FLACC1: variants seen among roughly 807,000 people sequenced by gnomAD.
FLACC1 encodes flagellum-associated coiled-coil domain-containing protein 1.
FLACC1 carries 66 observed loss-of-function variants against 62.8 expected under a neutral mutation model. The ratio of observed to expected loss-of-function variants is 1.05; its 90% CI spans 0.86 to 1.29. FLACC1 has a LOEUF of 1.29. FLACC1 is among the 50% of genes most tolerant of loss of function. The pLI is 0.00. For missense variants in FLACC1, 452 were observed against 489.1 expected (o/e 0.92, Z 0.71); for synonymous variants, 156 against 161.0 (o/e 0.97, Z 0.24).
chr2:201,290,973 G>A (rs184821216), intron 12 of FLACC1, among the ~76,000 whole-genome samples: 108 of 152,266 alleles, frequency 7.1e-4, no homozygotes, highest in African/African-American at 2.5e-3. Context: ...TGGCAGTGAG[G>A]CTGGTGGAGG....
intron 12 of FLACC1, among the ~76,000 whole-genome samples, chr2:201,291,056 G>T (rs572595029): frequency 2.0e-5 from 3 of 152,204 alleles, no homozygotes; most frequent in Non-Finnish European, 4.4e-5. Context: ...GGAGCCCACC[G>T]CAGCTCAAGG....
rs559950675 is a variant in FLACC1 at position 201,352,258 on chromosome 2, T to C, written c.-47-807A>G. On this transcript the variant is annotated intron_variant, in intron 1 of 14. Coordinates refer to ENST00000392257, the MANE Select transcript of FLACC1 (RefSeq NM_001127391.3). ...GGAAAATTAGTTCTGCTGCTTGAGC[T>C]ACAGTGCAAATGAATCTCCTCGTTT... Among the ~76,000 whole-genome samples, 164 of 152,328 alleles carry C rather than the reference T, an allele frequency of 1.1e-3. 1 individual carries two copies. Among genetic ancestry groups the C allele is most frequent in the African/African-American group, 3.6e-3 (148 of 41,578 alleles).
At chr2:201,313,673 GC>G (rs1045280492) in intron 9 of FLACC1, among the ~76,000 whole-genome samples, 2 of 152,056 alleles carry the variant, frequency 1.3e-5, no homozygotes, top group African/African-American at 2.4e-5. Flanking sequence ...GAGTTCTAGG[GC>G]CCCACCCACC....
rs978459066 is a variant in FLACC1 at position 201,288,561 on chromosome 2, A to G, written c.*94T>C. On this transcript the variant is annotated 3_prime_UTR_variant, in exon 15 of 15. Coordinates refer to ENST00000392257, the MANE Select transcript of FLACC1 (RefSeq NM_001127391.3). ...GAGCAACCCAAGAACTAAACTCATT[A>G]TATGCATTTTCTCAAGAAAACCCTC... is the stretch of plus-strand genomic sequence containing the variant. The G allele has an allele frequency of 3.4e-5, 49 of 1,459,526 alleles. No homozygotes were observed. The highest frequency in any genetic ancestry group is 1.3e-4 in the South Asian group (10 of 77,188). The allele number at this position is 1,459,526 out of a possible 1,614,324, so 90.4% of individuals were successfully genotyped here. A position where few individuals can be genotyped will look rare whatever the true frequency, so the allele number is the denominator to read the frequency against.
intron 1 of FLACC1, chr2:201,351,742 G>C (rs1271795896): frequency 4.7e-6 from 1 of 211,334 alleles, no homozygotes. Context: ...TCAGGAGTTT[G>C]AGACCAGCCT....
Position 201,288,565 on chromosome 2 carries a change from G to A in FLACC1, c.*90C>T, listed in dbSNP as rs964249301. 3.6e-5 allele frequency: 53 copies of A among 1,478,888 alleles called. No homozygotes were observed. The highest frequency in any genetic ancestry group is 1.8e-4 in the Middle Eastern group (1 of 5,632). 91.6% of individuals were successfully genotyped at this position (1,478,888 alleles called of 1,614,324 possible). On this transcript the variant is annotated 3_prime_UTR_variant, in exon 15 of 15. Coordinates refer to ENST00000392257, the MANE Select transcript of FLACC1 (RefSeq NM_001127391.3). ...AACCCAAGAACTAAACTCATTATAT[G>A]CATTTTCTCAAGAAAACCCTCCCAG...
intron 11 of FLACC1, among the ~76,000 whole-genome samples, chr2:201,305,586 A>T (rs1349236960): frequency 1.3e-5 from 2 of 152,250 alleles, no homozygotes; most frequent in African/African-American, 4.8e-5. Flanking sequence ...ATTACTGGGT[A>T]TATACCCAAA....
At chr2:201,294,104 C>T (rs1949802859) in intron 12 of FLACC1, among the ~76,000 whole-genome samples, 1 of 152,160 alleles carries the variant, frequency 6.6e-6, no homozygotes, top group Non-Finnish European at 1.5e-5. Flanking sequence ...CAAGGAGGAG[C>T]TGGTACCATT....
intron 1 of FLACC1, among the ~76,000 whole-genome samples, chr2:201,356,497 A>G (rs1429995909): frequency 6.6e-6 from 1 of 151,572 alleles, no homozygotes; most frequent in Non-Finnish European, 1.5e-5. Flanking sequence ...AGCTAAAATC[A>G]GCCCTTGACT....
chr2:201,295,477 G>C (rs1459236643), intron 12 of FLACC1, among the ~76,000 whole-genome samples: 2 of 152,130 alleles, frequency 1.3e-5, no homozygotes. Context: ...GCTGAAACTG[G>C]ATCCCTTCCT....
intron 6 of FLACC1, among the ~76,000 whole-genome samples, chr2:201,343,082 T>C (rs1219762835): frequency 1.3e-5 from 2 of 152,118 alleles, no homozygotes. Flanking sequence ...AGGGACTGTG[T>C]CACACAACAA....
intron 9 of FLACC1, among the ~76,000 whole-genome samples, chr2:201,328,478 T>G (rs543871110): frequency 6.6e-6 from 1 of 152,190 alleles, no homozygotes; most frequent in East Asian, 1.9e-4. Context: ...CAGGCTAGAG[T>G]GCAGTGGCAC....
chr2:201,363,430 C>T, the FLACC1 span, among the ~76,000 whole-genome samples: 13 of 151,822 alleles, frequency 8.6e-5, no homozygotes, highest in African/African-American at 2.4e-4. Context: ...TTTTGCACCC[C>T]GGCAGATCTC....
At position 201,288,532 on chromosome 2, in the gene FLACC1, G is replaced by A; in HGVS notation, c.*123C>T. 2 of 1,243,670 alleles carry A rather than the reference G, an allele frequency of 1.6e-6. No individual in the cohort carries two copies. The highest frequency in any genetic ancestry group is 2.2e-6 in the Non-Finnish European group (2 of 905,212). 77.0% of individuals were successfully genotyped at this position (1,243,670 alleles called of 1,614,324 possible). A position where few individuals can be genotyped will look rare whatever the true frequency, so the allele number is the denominator to read the frequency against. On this transcript the variant is annotated 3_prime_UTR_variant, in exon 15 of 15. Transcript: ENST00000392257. Reference sequence around the variant, plus strand: ...TCAAACATTTTCAGACATTCAGAGAGTCAGAGCAACCCAAGAACTAAACTC... The same window carrying A: ...TCAAACATTTTCAGACATTCAGAGAATCAGAGCAACCCAAGAACTAAACTC...
rs1324324200 is a variant in FLACC1, at chr2:201,319,347, T to C, written c.676-10097A>G. On this transcript the variant is annotated intron_variant, in intron 9 of 14. Coordinates refer to ENST00000392257, the MANE Select transcript of FLACC1 (RefSeq NM_001127391.3). ...AACTGGGCCCCTACCTTTCACCATATACAAAAATCAACCCAAGATGCCTTA... is the reference window on the plus strand; with the variant it reads ...AACTGGGCCCCTACCTTTCACCATACACAAAAATCAACCCAAGATGCCTTA... Among the ~76,000 whole-genome samples, 5 of 152,248 alleles carry C rather than the reference T, an allele frequency of 3.3e-5. No individual in the cohort carries two copies. In the South Asian group the frequency reaches 8.3e-4, roughly 25 times the overall value.
At chr2:201,343,793 C>T (rs548308803) in intron 6 of FLACC1, among the ~76,000 whole-genome samples, 2 of 152,214 alleles carry the variant, frequency 1.3e-5, no homozygotes, top group African/African-American at 2.4e-5. Context: ...GTAAGCCCTG[C>T]ACATTAAGTG....
At chr2:201,359,475 A>G (rs568226468), upstream of FLACC1, among the ~76,000 whole-genome samples, 1 of 152,318 alleles carries the variant, frequency 6.6e-6, no homozygotes, top group African/African-American at 2.4e-5. Context: ...AGGAGAGAAG[A>G]GGGTCTAGAA....
intron 7 of FLACC1, among the ~76,000 whole-genome samples, chr2:201,336,458 G>A (rs1048835547): frequency 3.3e-5 from 5 of 152,208 alleles, no homozygotes; most frequent in African/African-American, 9.6e-5. Flanking sequence ...GAATAGTGAT[G>A]TGATGAACAA....
chr2:201,325,141 A>G (rs74418841), intron 9 of FLACC1, among the ~76,000 whole-genome samples: 14,723 of 152,138 alleles, frequency 0.097, 813 homozygotes, highest in Non-Finnish European at 0.13. Flanking sequence ...CAAAAAACTA[A>G]AAACTAAAAA....
Sources: allele counts gnomAD v4.1 joint callset (sites outside exome capture counted in the v4.1 genomes callset), GRCh38; gene constraint gnomAD v4.1.1; transcripts MANE v1.5; gene names NCBI Gene and HGNC (gene_info 2026-07-23, HGNC 2026-07-21).